USP24: variants seen among roughly 807,000 people sequenced by gnomAD.
USP24 encodes ubiquitin carboxyl-terminal hydrolase 24.
USP24 carries 97 observed loss-of-function variants against 361.6 expected under a neutral mutation model. That is an observed-to-expected ratio of 0.27 (90% CI 0.23 to 0.32). The LOEUF (loss-of-function observed/expected upper bound fraction) is 0.32. Among genes scored for constraint, USP24 ranks in the 10% least tolerant of loss-of-function variants. The pLI, the probability that USP24 is intolerant of heterozygous loss-of-function variation, is 1.00. For synonymous variants in USP24, 1,098 were observed against 1,124.6 expected (o/e 0.98, Z 0.47); for missense variants, 2,353 against 3,165.6 (o/e 0.74, Z 6.16).
intron 49 of USP24, 137 bp downstream of exon 49, chr1:55,096,815 G>A (rs2100491994): frequency 3.7e-6 from 5 of 1,342,272 alleles, no homozygotes; most frequent in Non-Finnish European, 5.0e-6. Flanking sequence ...CCAGTTGCAC[G>A]AAGCTTTAAA....
intron 1 of USP24, among the ~76,000 whole-genome samples, chr1:55,186,355 T>A (rs895648525): frequency 8.5e-5 from 13 of 152,168 alleles, no homozygotes; most frequent in African/African-American, 2.9e-4. Context: ...CTACAATGAA[T>A]AACACTATGG....
intron 45 of USP24, 23 bp from the exon 46 acceptor site, chr1:55,098,581 T>C (rs1478801223): frequency 3.9e-6 from 6 of 1,530,276 alleles, no homozygotes; most frequent in Non-Finnish European, 3.6e-6. Flanking sequence ...AAAGTTACAG[T>C]TTTAAGTGAT....
At position 55,214,837 on chromosome 1, in the gene USP24, C is replaced by G; in HGVS notation, c.277G>C (p.Gly93Arg). ...PSRGGSTGGGGGFDPPPAYHE... is the reference protein window; with the variant it reads ...PSRGGSTGGGRGFDPPPAYHE... ...TAGGCGGGCGGGGGGTCGAAGCCGC[C>G]CCCGCCTCCGGTGCTCCCGCCGCGG... Residue 93 changes from glycine (G) to arginine (R), a missense_variant, in exon 1 of 68, where the codon GGC becomes CGC. Gly to Arg is a moderately radical substitution (Grantham distance 125). Around this residue, in one of 8 missense-constraint regions of USP24, gnomAD observed 253 missense variants for 255.3 expected, o/e 0.99. Transcript: ENST00000294383. 8.2e-7 allele frequency: 1 copy of G among 1,224,100 alleles called. No homozygotes were observed. Among genetic ancestry groups the G allele is most frequent in the Non-Finnish European group, 1.0e-6 (1 of 974,546 alleles). The allele number at this position is 1,224,100 out of a possible 1,614,324, so 75.8% of individuals were successfully genotyped here. A position where few individuals can be genotyped will look rare whatever the true frequency, so the allele number is the denominator to read the frequency against.
At position 55,077,306 on chromosome 1, in the gene USP24, A is replaced by AT; in HGVS notation, c.7315-7dup. The AT allele has an allele frequency of 6.4e-7, 1 of 1,551,192 alleles. No homozygotes were observed. Among genetic ancestry groups the AT allele is most frequent in the East Asian group, 2.4e-5 (1 of 42,374 alleles). ...GGAGCCGTTTCTAGTTGGTTCTGAAATATTTTTTAAAAGCATAAAAACTTC... is the reference window on the plus strand; with the variant it reads ...GGAGCCGTTTCTAGTTGGTTCTGAAATTATTTTTTAAAAGCATAAAAACTTC... On this transcript the variant is annotated splice_polypyrimidine_tract_variant and splice_region_variant and intron_variant, in intron 61 of 67. Transcript: ENST00000294383.
intron 38 of USP24, among the ~76,000 whole-genome samples, chr1:55,119,427 G>A (rs1439761576): frequency 6.6e-6 from 1 of 152,052 alleles, no homozygotes; most frequent in Non-Finnish European, 1.5e-5. Flanking sequence ...GGGGGAACAG[G>A]GAGTTATTGT....
intron 1 of USP24, among the ~76,000 whole-genome samples, chr1:55,191,501 T>TA (rs1408829175): frequency 1.3e-5 from 2 of 151,418 alleles, no homozygotes; most frequent in Non-Finnish European, 2.9e-5. Context: ...TTTCTTTTTT[T>TA]TTTTTTTGAG....
chr1:55,070,796 A>G (rs551893879), intron 67 of USP24, among the ~76,000 whole-genome samples: 4 of 152,254 alleles, frequency 2.6e-5, no homozygotes, highest in African/African-American at 7.2e-5. Flanking sequence ...AGCGTTCTGG[A>G]TATTGAAGAG....
At chr1:55,087,791 G>T (rs1645284375) in intron 55 of USP24, among the ~76,000 whole-genome samples, 1 of 152,248 alleles carries the variant, frequency 6.6e-6, no homozygotes, top group South Asian at 2.1e-4. Context: ...CAGACTAGCA[G>T]GCAACATCCG....
At chr1:55,150,815 A>G (rs183218053) in intron 16 of USP24, among the ~76,000 whole-genome samples, 3 of 152,358 alleles carry the variant, frequency 2.0e-5, no homozygotes, top group Non-Finnish European at 2.9e-5. Flanking sequence ...GTGACAAGTT[A>G]TAAGAAAAAT....
Position 55,137,656 on chromosome 1 carries a change from G to A in USP24, c.3060C>T (p.His1020=), listed in dbSNP as rs763989211. ...LTVNKDQKLL[H]QLGFSDEQIL... is the part of the protein sequence containing the mutation. ...TTTGTTCATCAGAAAAGCCCAGTTGGTGGAGTAGCTTTTGATCTTTATTCA... is the reference window on the plus strand; with the variant it reads ...TTTGTTCATCAGAAAAGCCCAGTTGATGGAGTAGCTTTTGATCTTTATTCA... The change falls in exon 28 of 68, where the codon CAC becomes CAT. Residue 1020 remains histidine, a synonymous_variant. Coordinates refer to ENST00000294383, the MANE Select transcript of USP24 (RefSeq NM_015306.3). 5.6e-6 allele frequency: 9 copies of A among 1,613,042 alleles called. No homozygotes were observed. Among genetic ancestry groups the A allele is most frequent in the Non-Finnish European group, 7.6e-6 (9 of 1,179,486 alleles).
At position 55,085,953 on chromosome 1, in the gene USP24, A is replaced by G. The variant is rs771732554; in HGVS notation, c.6754T>C (p.Tyr2252His). Residue 2252 changes from tyrosine to histidine, a missense_variant, in exon 56 of 68, where the codon TAT becomes CAT. By Grantham distance (83) the Tyr-to-His change is moderately conservative. Transcript: ENST00000294383. ...AAAATGAGACCGACCTTATCCTGAT[A>G]AAACAAGGCACTGTCTAGGGTTTTC... ...LEKTLDSALFYQDKLKSLHQL... is the reference protein window; with the variant it reads ...LEKTLDSALFHQDKLKSLHQL... The G allele has an allele frequency of 6.2e-7, 1 of 1,613,948 alleles. No individual in the cohort carries two copies. The highest frequency in any genetic ancestry group is 8.5e-7 in the Non-Finnish European group (1 of 1,179,810).
chr1:55,080,715 A>G lies in USP24; in HGVS notation c.7078+607T>C, dbSNP rs377709245. Among the ~76,000 whole-genome samples, 140 of 152,328 alleles carry G rather than the reference A, an allele frequency of 9.2e-4. 4 individuals are homozygous for G. The South Asian group carries it at 0.027, about 30-fold the overall frequency. ...GGAAGAGTATAAAAACAGTACACAC[A>G]TAAGTTAGGACACTGGATAATCATA... On this transcript the variant is annotated intron_variant, in intron 59 of 67. Transcript: ENST00000294383.
At chr1:55,206,861 A>G (rs994697142) in intron 1 of USP24, among the ~76,000 whole-genome samples, 3 of 152,178 alleles carry the variant, frequency 2.0e-5, no homozygotes, top group Admixed American at 1.3e-4. Context: ...GATCTGAAAT[A>G]CATCTTAAAT....
At chr1:55,129,649 C>A in intron 31 of USP24, 75 bp from the exon 32 acceptor site, 1 of 1,192,442 alleles carries the variant, frequency 8.4e-7, no homozygotes, top group South Asian at 1.3e-5. Context: ...ATAAAACATT[C>A]AGACAACTTG....
At position 55,092,064 on chromosome 1, in the gene USP24, T is replaced by G; in HGVS notation, c.6513A>C (p.Gln2171His). Residue 2171 changes from glutamine (Q) to histidine (H), a missense_variant, in exon 54 of 68, where the codon CAA (glutamine) becomes CAC (histidine). Physicochemically the swap from Gln to His is conservative, Grantham distance 24 (BLOSUM62 0). This residue lies in a region of USP24 where 598 missense variants were observed against 761.9 expected (regional missense o/e 0.78). Transcript: ENST00000294383. ...MAKVSLQLAIQFLFQTYLRTK... is the reference protein window; with the variant it reads ...MAKVSLQLAIHFLFQTYLRTK... ...TCCGTAGATAAGTTTGAAAAAGGAATTGAATAGCAAGCTGTAAGCTCACCT... is the reference window on the plus strand; with the variant it reads ...TCCGTAGATAAGTTTGAAAAAGGAAGTGAATAGCAAGCTGTAAGCTCACCT... The G allele has an allele frequency of 6.2e-7, 1 of 1,612,520 alleles. No individual in the cohort carries two copies. The highest frequency in any genetic ancestry group is 8.5e-7 in the Non-Finnish European group (1 of 1,179,240).
At chr1:55,088,124 G>A (rs1209357846) in intron 55 of USP24, among the ~76,000 whole-genome samples, 1 of 152,230 alleles carries the variant, frequency 6.6e-6, no homozygotes, top group Non-Finnish European at 1.5e-5. Context: ...TTTTTAACCA[G>A]AGAGGTAATG....
intron 3 of USP24, among the ~76,000 whole-genome samples, chr1:55,175,521 C>T (rs564708247): frequency 6.6e-5 from 10 of 152,044 alleles, no homozygotes; most frequent in Non-Finnish European, 1.3e-4. Context: ...CAATTGCACC[C>T]GGCCTTAACT....
chr1:55,214,644 G>A (rs2100973801), intron 1 of USP24, 146 bp downstream of exon 1: 1 of 707,946 alleles, frequency 1.4e-6, no homozygotes, highest in Middle Eastern at 4.6e-4. Flanking sequence ...TGGAGCCTGG[G>A]GCTTCTCTCT....
chr1:55,198,625 C>T (rs1644481298), intron 1 of USP24, among the ~76,000 whole-genome samples: 5 of 152,166 alleles, frequency 3.3e-5, no homozygotes, highest in Admixed American at 2.0e-4. Context: ...ATGTGTAATG[C>T]CTCCGGGGTG....
Sources: allele counts gnomAD v4.1 joint callset (sites outside exome capture counted in the v4.1 genomes callset), GRCh38; gene constraint gnomAD v4.1.1; regional missense constraint gnomAD v4.1.1; transcripts MANE v1.5; gene names NCBI Gene and HGNC (gene_info 2026-07-23, HGNC 2026-07-21).